The following IFT172 variants were observed in gnomAD, a reference collection of about 807,000 sequenced individuals.
IFT172 encodes intraflagellar transport protein 172 homolog.
A neutral mutation model predicts 248.9 loss-of-function variants in IFT172; 164 were observed. The ratio of observed to expected loss-of-function variants is 0.66; its 90% CI spans 0.58 to 0.75. The LOEUF (loss-of-function observed/expected upper bound fraction) is 0.75, where lower values mean the gene tolerates loss of function less well. IFT172 is among the 30% of genes least tolerant of loss of function. IFT172 has a pLI of 0.00. For missense variants in IFT172, 1,950 were observed against 2,192.4 expected (o/e 0.89, Z 2.21); for synonymous variants, 729 against 791.6 (o/e 0.92, Z 1.33).
Position 27,470,928 on chromosome 2 carries a change from C to A in IFT172, c.1692G>T (p.Arg564Ser). The change falls in exon 16 of 48, where the codon AGG becomes AGT. Residue 564 changes from arginine (R) to serine (S), a missense_variant and splice_region_variant. Physicochemically the swap from Arg to Ser is moderately radical, Grantham distance 110. Around this residue, in one of 3 missense-constraint regions of IFT172, gnomAD observed 1,166 missense variants for 1,254.1 expected, o/e 0.93. Transcript: ENST00000260570. ...APERVTMFTI[R>S]GDVIGLERGG... ...TGAGGGCCCCTAGTGTCCAACATAC[C>A]CTAATAGTGAACATGGTGACTCTCT... 1 of 1,600,292 alleles carries A rather than the reference C, an allele frequency of 6.2e-7. No individual in the cohort carries two copies. Among genetic ancestry groups the A allele is most frequent in the South Asian group, 1.1e-5 (1 of 88,616 alleles).
At position 27,454,597 on chromosome 2, in the gene IFT172, A is replaced by T. The variant is rs202111577; in HGVS notation, c.3435T>A (p.His1145Gln). 1 of 1,614,098 alleles carries T rather than the reference A, an allele frequency of 6.2e-7. No homozygotes were observed. The highest frequency in any genetic ancestry group is 2.2e-5 in the East Asian group (1 of 44,876). Residue 1145 changes from histidine (H) to glutamine (Q), a missense_variant, in exon 31 of 48, where the codon CAT becomes CAA. His to Gln is a conservative substitution (Grantham distance 24). This residue lies in a region of IFT172 where 164 missense variants were observed against 239.3 expected (regional missense o/e 0.69). Transcript: ENST00000260570. The surrounding 1 kb of genome is among the most constrained non-coding windows in gnomAD (Gnocchi z 4.2). The stretch of plus-strand genomic sequence containing the variant: ...CCTCCAGGAACATAGCATATTTGAG[A>T]TGAACCTCGGGGGTTTTGTGCTTGA... ...LALKHKTPEV[H>Q]LKYAMFLEDE...
rs765893868 is a variant in IFT172, at chr2:27,483,921, A to C, written c.353T>G (p.Leu118Arg). The change falls in exon 5 of 48, where the codon CTG becomes CGG. Residue 118 changes from leucine (L) to arginine (R), a missense_variant. Transcript: ENST00000260570. Reference protein sequence around the residue: ...KFIQTSAVTCLQWPAEYIIVF... With the variant: ...KFIQTSAVTCRQWPAEYIIVF... ...AATGATGTATTCTGCCGGCCATTGC[A>C]GACAAGTGACAGCACTCTGCGTGGA... 1.2e-6 allele frequency: 2 copies of C among 1,614,002 alleles called. No homozygotes were observed. The highest frequency in any genetic ancestry group is 1.7e-6 in the Non-Finnish European group (2 of 1,179,868).
At chr2:27,457,201 G>C (rs1278854646) in intron 29 of IFT172, among the ~76,000 whole-genome samples, 1 of 152,162 alleles carries the variant, frequency 6.6e-6, no homozygotes, top group East Asian at 1.9e-4. Context: ...TGTGGACATG[G>C]TTCTGGCAAG....
chr2:27,480,830 T>C (rs556068731), intron 8 of IFT172, among the ~76,000 whole-genome samples: 1 of 152,232 alleles, frequency 6.6e-6, no homozygotes, highest in African/African-American at 2.4e-5. Context: ...GCTGTGGAAG[T>C]GCAGGGAGCG....
In IFT172 at chr2:27,483,524, C is replaced by T. The variant is rs183677465; in HGVS notation, c.482+56G>A. On this transcript the variant is annotated intron_variant, in intron 6 of 47. Transcript: ENST00000260570. ...CTATGGTCTTGCAGTCCAGACTTCC[C>T]CACAGCATTTTCCTAACACTTCCAG... The T allele has an allele frequency of 5.5e-3, 8,615 of 1,579,094 alleles. 33 individuals carry two copies. The highest frequency in any genetic ancestry group is 8.4e-3 in the Middle Eastern group (50 of 5,972).
Position 27,446,322 on chromosome 2 carries a change from A to C in IFT172, c.4693T>G (p.Leu1565Val). The change falls in exon 43 of 48, where the codon TTG becomes GTG. Residue 1565 changes from leucine to valine, a missense_variant. Leu to Val is a conservative substitution (Grantham distance 32). Around this residue, in one of 3 missense-constraint regions of IFT172, gnomAD observed 620 missense variants for 699.0 expected, o/e 0.89. Coordinates refer to ENST00000260570, the MANE Select transcript of IFT172 (RefSeq NM_015662.3). ...TVAARLSVSL[L>V]RHTQLLPVDK... Reference sequence around the variant, plus strand: ...ACAGGTAGTAGCTGGGTGTGACGCAAGAGTGAAACAGAAAGCCTGGCAGCC... The same window carrying C: ...ACAGGTAGTAGCTGGGTGTGACGCACGAGTGAAACAGAAAGCCTGGCAGCC... The C allele has an allele frequency of 1.2e-6, 2 of 1,614,260 alleles. No homozygotes were observed. Among genetic ancestry groups the C allele is most frequent in the Non-Finnish European group, 1.7e-6 (2 of 1,180,050 alleles).
chr2:27,459,825 T>C lies in IFT172; in HGVS notation c.2526A>G (p.Val842=). The part of the protein sequence containing the change: ...YRKGNAFMKA[V]ELARLAFPVE... Reference sequence around the variant, plus strand: ...CTGGGAAGGCCAATCGAGCCAGCTCTACCGCTGCCAGGGAGAGAAAAGATG... The same window carrying C: ...CTGGGAAGGCCAATCGAGCCAGCTCCACCGCTGCCAGGGAGAGAAAAGATG... The change falls in exon 24 of 48, where the codon GTA becomes GTG. Residue 842 remains valine, a synonymous_variant. Coordinates refer to ENST00000260570, the MANE Select transcript of IFT172 (RefSeq NM_015662.3). The C allele has an allele frequency of 6.2e-7, 1 of 1,611,258 alleles. No individual in the cohort carries two copies. The highest frequency in any genetic ancestry group is 8.5e-7 in the Non-Finnish European group (1 of 1,179,996).
At chr2:27,461,724 A>C in intron 21 of IFT172, 35 bp downstream of exon 21, 1 of 1,613,430 alleles carries the variant, frequency 6.2e-7, no homozygotes. Context: ...GCAGAACCAA[A>C]TTCTGAACAA....
Position 27,463,310 on chromosome 2 carries a change from T to C in IFT172, c.1938-129A>G, listed in dbSNP as rs988676069. The C allele has an allele frequency of 1.5e-5, 12 of 788,100 alleles. No individual in the cohort carries two copies. The Admixed American group carries it at 2.1e-4, about 14-fold the overall frequency. The allele number at this position is 788,100 out of a possible 1,614,324, so 48.8% of individuals were successfully genotyped here. A position where few individuals can be genotyped will look rare whatever the true frequency, so the allele number is the denominator to read the frequency against. On this transcript the variant is annotated intron_variant, in intron 18 of 47. Transcript: ENST00000260570. Reference sequence around the variant, plus strand: ...CCAATGTCTTGTCACTGGAGACATATAGAGACCAAGGAAGATGAGGGCCTT... The same window carrying C: ...CCAATGTCTTGTCACTGGAGACATACAGAGACCAAGGAAGATGAGGGCCTT...
intron 47 of IFT172, 89 bp from the exon 48 acceptor site, chr2:27,444,610 C>T (rs1664863371): frequency 2.1e-6 from 2 of 964,182 alleles, no homozygotes; most frequent in Non-Finnish European, 3.2e-6. Context: ...TCTGCATCTG[C>T]CTTCCTGTAA....
intron 10 of IFT172, among the ~76,000 whole-genome samples, chr2:27,479,225 T>G (rs1668174983): frequency 6.6e-6 from 1 of 152,320 alleles, no homozygotes; most frequent in Non-Finnish European, 1.5e-5. Context: ...CAGGATGGTC[T>G]CAATCTCCTG....
At chr2:27,449,633 A>C (rs1665472604) in intron 37 of IFT172, 58 bp downstream of exon 37, 2 of 1,611,628 alleles carry the variant, frequency 1.2e-6, no homozygotes, top group African/African-American at 1.3e-5. Context: ...ACTTTCTCCC[A>C]GTCTTTACAA....
At chr2:27,481,524 T>C (rs1668371727) in intron 7 of IFT172, among the ~76,000 whole-genome samples, 1 of 151,716 alleles carries the variant, frequency 6.6e-6, no homozygotes, top group African/African-American at 2.4e-5. Flanking sequence ...AAAATGCTTG[T>C]ATATTGGAAT....
intron 16 of IFT172, among the ~76,000 whole-genome samples, chr2:27,467,418 GAAAAAAAAAAAAAAAAAA>G (rs34115935): frequency 0.01 from 172 of 16,434 alleles, 7 homozygotes; most frequent in African/African-American, 0.039. Flanking sequence ...ACAGAAAATT[GAAAAAAAAAAAAAAAAAA>G]AAAAAAAAAA....
At chr2:27,456,055 T>C (rs1666135968) in intron 30 of IFT172, among the ~76,000 whole-genome samples, 1 of 151,242 alleles carries the variant, frequency 6.6e-6, no homozygotes, top group African/African-American at 2.4e-5. Flanking sequence ...CTACTAAAAA[T>C]ACAAAAATTA....
chr2:27,454,480 G>A lies in IFT172; in HGVS notation c.3466-62C>T, dbSNP rs187981167. On this transcript the variant is annotated intron_variant, in intron 31 of 47. Transcript: ENST00000260570. The surrounding 1 kb of genome is among the most constrained non-coding windows in gnomAD (Gnocchi z 4.2). ...GGAGACTGGCATCACAGGCAGGCAT[G>A]AGACTGGGGGTCTGCACACCCAGCA... 111 of 1,612,572 alleles carry A rather than the reference G, an allele frequency of 6.9e-5. No homozygotes were observed. In the African/African-American group the frequency reaches 1.3e-3, roughly 19 times the overall value.
At chr2:27,468,259 G>A (rs1572785813) in intron 16 of IFT172, among the ~76,000 whole-genome samples, 1 of 151,552 alleles carries the variant, frequency 6.6e-6, no homozygotes, top group Admixed American at 6.6e-5. Flanking sequence ...CTGAGACAGA[G>A]TCTTACTCTG....
Position 27,447,514 on chromosome 2 carries a change from C to T in IFT172, c.4659+1G>A. ...TGTTCCTTCGACCCCCTACATCTCA[C>T]CAGCTGTTTGACACTCTGGGCTGCA... On this transcript the variant is annotated splice_donor_variant, in intron 42 of 47. Transcript: ENST00000260570. LOFTEE classifies it high-confidence loss of function. 1 of 1,613,896 alleles carries T rather than the reference C, an allele frequency of 6.2e-7. No homozygotes were observed. The highest frequency in any genetic ancestry group is 1.3e-5 in the African/African-American group (1 of 75,040).
At position 27,476,720 on chromosome 2, in the gene IFT172, A is replaced by G. The variant is rs1667981501; in HGVS notation, c.1332T>C (p.Arg444=). ...EFMNPHLISV[R]INERCQRGTE... ...TTCCTCGCTGACACCTCTCATTAAT[A>G]CGAACACTGAAACATGAAGGGTGAG... Residue 444 remains arginine, a synonymous_variant, in exon 14 of 48, where the codon CGT becomes CGC. Coordinates refer to ENST00000260570, the MANE Select transcript of IFT172 (RefSeq NM_015662.3). 3.1e-6 allele frequency: 5 copies of G among 1,611,678 alleles called. No homozygotes were observed. In the South Asian group the frequency reaches 3.3e-5, roughly 11 times the overall value.
Sources: gnomAD v4.1 joint callset for allele counts (sites outside exome capture counted in the v4.1 genomes callset) on GRCh38, gnomAD v4.1.1 for gene constraint, gnomAD v4.1.1 regional missense constraint, Gnocchi (gnomAD v3.1) non-coding constraint, MANE v1.5 for transcripts, NCBI Gene and HGNC (gene_info 2026-07-23, HGNC 2026-07-21) for gene names.